The following TMC1 variants were observed in gnomAD, a reference collection of about 807,000 sequenced individuals.
TMC1 encodes the protein transmembrane channel-like protein 1.
Under a neutral mutation model 105.8 loss-of-function variants are expected in TMC1, and 84 were observed. The observed-to-expected ratio is 0.79, with a 90% confidence interval of 0.67 to 0.95. TMC1 has a LOEUF of 0.95. Among genes scored for constraint, TMC1 ranks in the 40% least tolerant of loss-of-function variants. TMC1 has a pLI of 0.00. For synonymous variants in TMC1, 315 were observed against 311.5 expected (o/e 1.01, Z -0.12); for missense variants, 817 against 914.1 (o/e 0.89, Z 1.37).
chr9:72,719,406 AT>A (rs749677508), intron 8 of TMC1, among the ~76,000 whole-genome samples: 71 of 151,992 alleles, frequency 4.7e-4, no homozygotes, highest in Non-Finnish European at 8.4e-4. Context: ...AGCTCTCTAA[AT>A]TGTCTCAGCT....
chr9:72,658,151 C>T (rs1825910626), intron 5 of TMC1, among the ~76,000 whole-genome samples: 1 of 151,952 alleles, frequency 6.6e-6, no homozygotes, highest in African/African-American at 2.4e-5. Flanking sequence ...GTGTAATAGA[C>T]ACTCCTTGAG....
At chr9:72,786,806 G>A (rs181062210) in intron 13 of TMC1, among the ~76,000 whole-genome samples, 2 of 152,138 alleles carry the variant, frequency 1.3e-5, no homozygotes, top group East Asian at 1.9e-4. Flanking sequence ...TTCAGTTCGG[G>A]CTCCCTTCCC....
intron 13 of TMC1, among the ~76,000 whole-genome samples, chr9:72,781,409 A>G (rs996330222): frequency 6.6e-6 from 1 of 152,176 alleles, no homozygotes; most frequent in Non-Finnish European, 1.5e-5. Flanking sequence ...TAGAGAAACC[A>G]GAGAAACAAG....
At chr9:72,781,657 A>G (rs181912558) in intron 13 of TMC1, among the ~76,000 whole-genome samples, 1 of 152,298 alleles carries the variant, frequency 6.6e-6, no homozygotes, top group African/African-American at 2.4e-5. Context: ...AGAAACACAA[A>G]AAACCCTCAG....
intron 1 of TMC1, among the ~76,000 whole-genome samples, chr9:72,539,510 G>GTT (rs35594490): frequency 2.0e-5 from 3 of 151,516 alleles, no homozygotes; most frequent in Non-Finnish European, 2.9e-5. Flanking sequence ...ACACAGCCAA[G>GTT]TTTTTTTTTC....
At chr9:72,664,012 A>T (rs1826005256) in intron 5 of TMC1, among the ~76,000 whole-genome samples, 1 of 152,158 alleles carries the variant, frequency 6.6e-6, no homozygotes, top group Admixed American at 6.5e-5. Context: ...ATCTTCATGG[A>T]CAATAACACG....
At position 72,640,781 on chromosome 9, in the gene TMC1, G is replaced by A. The variant is rs546791256; in HGVS notation, c.-52-7816G>A. On this transcript the variant is annotated intron_variant, in intron 4 of 23. Transcript: ENST00000297784. ...CGGGTAGCTGGGACTACAGGCGCCC[G>A]CCACTACGCCTGGCTAATTTTTTGT... Among the ~76,000 whole-genome samples, 639 of 151,952 alleles carry A rather than the reference G, an allele frequency of 4.2e-3. 5 individuals carry two copies. The highest frequency in any genetic ancestry group is 0.015 in the African/African-American group (612 of 41,460).
intron 10 of TMC1, among the ~76,000 whole-genome samples, chr9:72,750,733 C>T (rs1827568864): frequency 6.6e-6 from 1 of 152,170 alleles, no homozygotes; most frequent in African/African-American, 2.4e-5. Flanking sequence ...AATGACTTCT[C>T]CTTACATTTT....
chr9:72,737,373 C>G (rs1827317793), intron 8 of TMC1, among the ~76,000 whole-genome samples: 1 of 152,146 alleles, frequency 6.6e-6, no homozygotes, highest in African/African-American at 2.4e-5. Flanking sequence ...ATCTATGATC[C>G]CACCTTGTTC....
chr9:72,571,699 A>G (rs1824289567), intron 1 of TMC1, among the ~76,000 whole-genome samples: 1 of 152,078 alleles, frequency 6.6e-6, no homozygotes, highest in African/African-American at 2.4e-5. Flanking sequence ...AATACCGTAT[A>G]TAGTAATATT....
At position 72,830,546 on chromosome 9, in the gene TMC1, T is replaced by C. The variant is rs370059982; in HGVS notation, c.2208+17T>C. On this transcript the variant is annotated intron_variant, in intron 22 of 23. Coordinates refer to ENST00000297784, the MANE Select transcript of TMC1 (RefSeq NM_138691.3). ...ATGAAAATGGTATGATACAATTTAT[T>C]TCATAGAAATATTATCTTTATTAAT... 8.7e-6 allele frequency: 14 copies of C among 1,605,832 alleles called. No homozygotes were observed. Among genetic ancestry groups the C allele is most frequent in the Non-Finnish European group, 1.2e-5 (14 of 1,172,850 alleles).
intron 1 of TMC1, among the ~76,000 whole-genome samples, chr9:72,530,177 CTT>C (rs1823474855): frequency 6.6e-6 from 1 of 151,660 alleles, no homozygotes; most frequent in African/African-American, 2.4e-5. Flanking sequence ...TCCATAGTTT[CTT>C]TCTTTCTTTC....
At chr9:72,794,590 G>C (rs1235385680) in intron 17 of TMC1, among the ~76,000 whole-genome samples, 1 of 152,130 alleles carries the variant, frequency 6.6e-6, no homozygotes, top group Non-Finnish European at 1.5e-5. Context: ...CAAAGCCTTG[G>C]CCCAATGAAA....
chr9:72,687,082 T>A (rs1826390921), intron 5 of TMC1, among the ~76,000 whole-genome samples: 1 of 152,198 alleles, frequency 6.6e-6, no homozygotes, highest in Non-Finnish European at 1.5e-5. Flanking sequence ...AAAGATTTCC[T>A]TATATTTTTG....
chr9:72,629,851 T>G (rs1360403652), intron 4 of TMC1, among the ~76,000 whole-genome samples: 2 of 152,084 alleles, frequency 1.3e-5, no homozygotes, highest in African/African-American at 4.8e-5. Context: ...CCTTCTGTTT[T>G]GGGGTATCTG....
intron 8 of TMC1, among the ~76,000 whole-genome samples, chr9:72,704,052 G>A (rs1376165017): frequency 6.6e-6 from 1 of 152,182 alleles, no homozygotes; most frequent in African/African-American, 2.4e-5. Context: ...CACAGAACGT[G>A]CAGGTAAATG....
chr9:72,724,343 G>A (rs1238165351), intron 8 of TMC1, among the ~76,000 whole-genome samples: 1 of 152,132 alleles, frequency 6.6e-6, no homozygotes. Flanking sequence ...AAATGGGGCT[G>A]TATTTATCTT....
intron 1 of TMC1, among the ~76,000 whole-genome samples, chr9:72,542,688 GT>G (rs900438366): frequency 1.4e-5 from 2 of 147,872 alleles, no homozygotes; most frequent in African/African-American, 4.9e-5. Context: ...TTCTTCCTTT[GT>G]TTTTTTTTGA....
At chr9:72,792,374 T>C in intron 17 of TMC1, 22 bp downstream of exon 17, 3 of 1,613,686 alleles carry the variant, frequency 1.9e-6, no homozygotes, top group Non-Finnish European at 2.5e-6. Context: ...AACAGAAGTG[T>C]ATGGCAATTA....
Sources: allele counts gnomAD v4.1 joint callset (sites outside exome capture counted in the v4.1 genomes callset), GRCh38; gene constraint gnomAD v4.1.1; transcripts MANE v1.5; gene names NCBI Gene and HGNC (gene_info 2026-07-23, HGNC 2026-07-21).